Variants in OSBPL6 observed in about 807,000 individuals in gnomAD.
OSBPL6 encodes the protein oxysterol-binding protein-related protein 6.
OSBPL6 carries 49 observed loss-of-function variants against 125.8 expected under a neutral mutation model. The ratio of observed to expected loss-of-function variants is 0.39; its 90% CI spans 0.31 to 0.49. OSBPL6 has a LOEUF of 0.49. Ranked by LOEUF, OSBPL6 falls within the 20% of genes least tolerant of loss-of-function variation. The pLI is 0.88. For missense variants in OSBPL6, 986 were observed against 1,135.4 expected (o/e 0.87, Z 1.89); for synonymous variants, 394 against 391.8 (o/e 1.01, Z -0.07).
intron 8 of OSBPL6, 67 bp from the exon 9 acceptor site, chr2:178,336,234 C>A: frequency 2.0e-6 from 3 of 1,535,200 alleles, no homozygotes; most frequent in Admixed American, 1.9e-5. Flanking sequence ...TTTGAGGATA[C>A]TTGTATTTTT....
At chr2:178,314,089 G>A (rs532985725) in intron 3 of OSBPL6, among the ~76,000 whole-genome samples, 1 of 152,324 alleles carries the variant, frequency 6.6e-6, no homozygotes, top group South Asian at 2.1e-4. Flanking sequence ...CTCCGACTGA[G>A]CCTCTGTAGC....
Position 178,338,848 on chromosome 2 carries a change from T to G in OSBPL6, c.791-143T>G, listed in dbSNP as rs1689938369. The G allele has an allele frequency of 1.0e-5, 6 of 597,170 alleles. 1 individual carries two copies. The highest frequency in any genetic ancestry group is 1.5e-5 in the Non-Finnish European group (5 of 341,826). The allele number at this position is 597,170 out of a possible 1,614,324, so 37.0% of individuals were successfully genotyped here. On this transcript the variant is annotated intron_variant, in intron 9 of 24. Coordinates refer to ENST00000190611, the MANE Select transcript of OSBPL6 (RefSeq NM_032523.4). ...GGTTCTGCACCAGAAAAGGGTCTGT[T>G]TTGTTTCACCTGCCAGTATCTTCAT...
At chr2:178,299,502 C>A (rs570717700) in intron 2 of OSBPL6, among the ~76,000 whole-genome samples, 24 of 151,068 alleles carry the variant, frequency 1.6e-4, no homozygotes, top group African/African-American at 5.8e-4. Context: ...TCCAGATGAA[C>A]TTACTTTTTT....
In OSBPL6 at chr2:178,339,742, A is replaced by G; in HGVS notation, c.965A>G (p.Lys322Arg). 2 of 1,604,658 alleles carry G rather than the reference A, an allele frequency of 1.2e-6. No homozygotes were observed. The highest frequency in any genetic ancestry group is 1.7e-6 in the Non-Finnish European group (2 of 1,176,064). ...TRRWRTKSVS[K>R]DTKIQLQVPF... ...CGATGGAGAACAAAAAGTGTCAGCA[A>G]AGATACAAAAATACAACTGCAGGTA... The change falls in exon 11 of 25, where the codon AAA becomes AGA. Residue 322 changes from lysine to arginine, a missense_variant. By Grantham distance (26) the Lys-to-Arg change is conservative. Coordinates refer to ENST00000190611, the MANE Select transcript of OSBPL6 (RefSeq NM_032523.4).
chr2:178,242,937 T>A (rs2091348085), intron 1 of OSBPL6, among the ~76,000 whole-genome samples: 1 of 151,930 alleles, frequency 6.6e-6, no homozygotes, highest in Admixed American at 6.6e-5. Context: ...GCAGCCATAT[T>A]TTTTTCTTAT....
chr2:178,280,067 G>A (rs897597541), intron 1 of OSBPL6, among the ~76,000 whole-genome samples: 24 of 151,970 alleles, frequency 1.6e-4, no homozygotes, highest in African/African-American at 5.1e-4. Flanking sequence ...GCATGGTGGC[G>A]CACACCTGTA....
chr2:178,239,955 T>C (rs528119997), intron 1 of OSBPL6, among the ~76,000 whole-genome samples: 1 of 152,248 alleles, frequency 6.6e-6, no homozygotes, highest in East Asian at 1.9e-4. Flanking sequence ...AAAATCAAAT[T>C]TTAATACTTT....
chr2:178,359,361 AC>A (rs1692111727), intron 12 of OSBPL6, among the ~76,000 whole-genome samples: 1 of 152,118 alleles, frequency 6.6e-6, no homozygotes, highest in Non-Finnish European at 1.5e-5. Flanking sequence ...ATGCGCCACC[AC>A]CTCACACCTG....
intron 1 of OSBPL6, among the ~76,000 whole-genome samples, chr2:178,256,641 C>T (rs570593641): frequency 3.3e-5 from 5 of 152,230 alleles, no homozygotes; most frequent in South Asian, 2.1e-4. Flanking sequence ...CATATGTTCC[C>T]GAAAGCCAAT....
chr2:178,200,738 A>G (rs2089203638), intron 1 of OSBPL6, among the ~76,000 whole-genome samples: 1 of 152,140 alleles, frequency 6.6e-6, no homozygotes, highest in South Asian at 2.1e-4. Context: ...TCTTTCTAAA[A>G]CAGATTTTCT....
Position 178,399,268 on chromosome 2 carries a change from T to C in OSBPL6, c.*3709T>C, listed in dbSNP as rs1696024584. On this transcript the variant is annotated 3_prime_UTR_variant, in exon 25 of 25. Coordinates refer to ENST00000190611, the MANE Select transcript of OSBPL6 (RefSeq NM_032523.4). Reference sequence around the variant, plus strand: ...TAAGATTAAAGTATTTGGGGTTTTTTTTCCCCAAAAGCTTCCCAGTTGTTT... The same window carrying C: ...TAAGATTAAAGTATTTGGGGTTTTTCTTCCCCAAAAGCTTCCCAGTTGTTT... The C allele has an allele frequency of 6.6e-6, 1 of 152,228 alleles. No individual in the cohort carries two copies. The highest frequency in any genetic ancestry group is 2.1e-4 in the South Asian group (1 of 4,838). 9.4% of individuals were successfully genotyped at this position (152,228 alleles called of 1,614,324 possible).
At chr2:178,291,829 T>C (rs13017264) in intron 2 of OSBPL6, among the ~76,000 whole-genome samples, 2,002 of 109,172 alleles carry the variant, frequency 0.018, 33 homozygotes, top group East Asian at 0.073. Context: ...ATCCATCCAT[T>C]CATCCTTGAT....
At chr2:178,305,846 C>CT (rs11476329) in intron 2 of OSBPL6, among the ~76,000 whole-genome samples, 184 bp from the exon 3 acceptor site, 66 of 140,252 alleles carry the variant, frequency 4.7e-4, no homozygotes, top group South Asian at 4.4e-3. Context: ...GTTAACAGTC[C>CT]TTTTTTTTTT....
intron 2 of OSBPL6, among the ~76,000 whole-genome samples, chr2:178,287,324 G>T (rs1559203740): frequency 6.6e-6 from 1 of 151,192 alleles, no homozygotes; most frequent in Non-Finnish European, 1.5e-5. Flanking sequence ...ATCTCTTCTT[G>T]ATTGGTATCC....
At chr2:178,235,398 CTTTTT>C (rs540269327) in intron 1 of OSBPL6, among the ~76,000 whole-genome samples, 38 of 78,010 alleles carry the variant, frequency 4.9e-4, no homozygotes, top group African/African-American at 9.7e-4. Flanking sequence ...CTTTTCTTTT[CTTTTT>C]TTTTTTTTTT....
chr2:178,198,617 C>CACAA (rs1553517705), intron 1 of OSBPL6, among the ~76,000 whole-genome samples: 2 of 137,346 alleles, frequency 1.5e-5, no homozygotes, highest in African/African-American at 5.3e-5. Context: ...GACTCCATCT[C>CACAA]ATAAATAAAT....
Position 178,339,086 on chromosome 2 carries a change from G to C in OSBPL6, c.886G>C (p.Asp296His). 1 of 1,597,930 alleles carries C rather than the reference G, an allele frequency of 6.3e-7. No homozygotes were observed. Among genetic ancestry groups the C allele is most frequent in the East Asian group, 2.2e-5 (1 of 44,662 alleles). ...AACTCAGTCGGCACCTAACTTTACT[G>C]ACATGCAGGTAAACATATTCCTGCT... The part of the protein sequence containing the change: ...QRTQSAPNFT[D>H]MQANCVDISK... The change falls in exon 10 of 25, where the codon GAC becomes CAC. Residue 296 changes from aspartate to histidine, a missense_variant. Physicochemically the swap from Asp to His is moderately conservative, Grantham distance 81 (BLOSUM62 -1). Transcript: ENST00000190611.
chr2:178,383,184 G>A lies in OSBPL6; in HGVS notation c.1782G>A (p.Glu594=), dbSNP rs562973412. 3 of 1,614,180 alleles carry A rather than the reference G, an allele frequency of 1.9e-6. No homozygotes were observed. The highest frequency in any genetic ancestry group is 1.7e-6 in the Non-Finnish European group (2 of 1,180,036). The change falls in exon 17 of 25, where the codon GAG becomes GAA. Residue 594 remains glutamate (E), a synonymous_variant. Transcript: ENST00000190611. ...TCTCTATGCCTGTGGAGCTAAACGA[G>A]CCGCTCAACACCCTGCAGCACCTCT... ...SKVSMPVELN[E]PLNTLQHLCE...
chr2:178,328,235 G>T (rs1688869619), intron 4 of OSBPL6, 21 bp from the exon 5 acceptor site: 2 of 1,611,932 alleles, frequency 1.2e-6, no homozygotes. Flanking sequence ...CATGTGATTT[G>T]TTTTTCTTCT....
Sources: gnomAD v4.1 joint callset for allele counts (sites outside exome capture counted in the v4.1 genomes callset) on GRCh38, gnomAD v4.1.1 for gene constraint, MANE v1.5 for transcripts, NCBI Gene and HGNC (gene_info 2026-07-23, HGNC 2026-07-21) for gene names.